RIMS1: variants seen among roughly 807,000 people sequenced by gnomAD.
RIMS1 encodes the protein regulating synaptic membrane exocytosis 1.
Under a neutral mutation model 214.1 loss-of-function variants are expected in RIMS1, and 83 were observed. The ratio of observed to expected loss-of-function variants is 0.39; its 90% CI spans 0.32 to 0.47. The LOEUF is 0.47. Ranked by LOEUF, RIMS1 falls within the 20% of genes least tolerant of loss-of-function variation. The pLI, the probability that RIMS1 is intolerant of heterozygous loss-of-function variation, is 0.99. For missense variants in RIMS1, 2,050 were observed against 2,161.8 expected (o/e 0.95, Z 1.03); for synonymous variants, 793 against 786.8 (o/e 1.01, Z -0.13).
At chr6:72,050,739 G>T (rs189794297) in intron 2 of RIMS1, among the ~76,000 whole-genome samples, 2 of 152,150 alleles carry the variant, frequency 1.3e-5, no homozygotes, top group African/African-American at 4.8e-5. Flanking sequence ...AGCCCTTTGT[G>T]GGGTGTATAT....
chr6:71,966,169 T>C (rs933176014), intron 1 of RIMS1, among the ~76,000 whole-genome samples: 1 of 152,216 alleles, frequency 6.6e-6, no homozygotes, highest in Non-Finnish European at 1.5e-5. Flanking sequence ...ATTAGCAACC[T>C]GAAACAATTA....
chr6:72,305,474 G>T (rs1160964990), intron 26 of RIMS1, among the ~76,000 whole-genome samples: 2 of 152,046 alleles, frequency 1.3e-5, no homozygotes, highest in Non-Finnish European at 2.9e-5. Context: ...AACTAAATTT[G>T]CAGTCCATTT....
intron 22 of RIMS1, among the ~76,000 whole-genome samples, chr6:72,268,088 A>G (rs1404784636): frequency 4.6e-5 from 7 of 152,146 alleles, no homozygotes; most frequent in East Asian, 1.9e-4. Context: ...TAAAACTTAG[A>G]TAAGGTTTCA....
At chr6:72,212,909 G>T in intron 6 of RIMS1, 1 of 1,342,714 alleles carries the variant, frequency 7.4e-7, no homozygotes, top group Non-Finnish European at 9.6e-7. Context: ...TGCCTGCAGT[G>T]ACCTGAGTCA....
At chr6:72,360,886 T>G (rs1007714566) in intron 29 of RIMS1, among the ~76,000 whole-genome samples, 2 of 149,788 alleles carry the variant, frequency 1.3e-5, no homozygotes, top group Non-Finnish European at 3.0e-5. Context: ...ATAATGGGTA[T>G]AGTGGATATG....
chr6:72,236,474 G>A (rs886126575), intron 8 of RIMS1, among the ~76,000 whole-genome samples: 1 of 152,070 alleles, frequency 6.6e-6, no homozygotes, highest in Non-Finnish European at 1.5e-5. Flanking sequence ...ATCTGATCAA[G>A]AACTGATCTT....
chr6:72,256,793 A>G (rs2076051289), intron 16 of RIMS1, among the ~76,000 whole-genome samples: 2 of 151,982 alleles, frequency 1.3e-5, no homozygotes, highest in African/African-American at 2.4e-5. Context: ...TTAAAATTAC[A>G]ATATAATATT....
At chr6:71,939,999 TC>T (rs1305308967) in intron 1 of RIMS1, among the ~76,000 whole-genome samples, 2 of 152,212 alleles carry the variant, frequency 1.3e-5, no homozygotes, top group Admixed American at 1.3e-4. Flanking sequence ...ATTTTTAATT[TC>T]CTTATCTGAA....
At chr6:72,222,401 T>TATCAG (rs2058752117) in intron 6 of RIMS1, among the ~76,000 whole-genome samples, 1 of 152,082 alleles carries the variant, frequency 6.6e-6, no homozygotes, top group African/African-American at 2.4e-5. Context: ...TCCATTTTTT[T>TATCAG]GTACTGCATT....
At chr6:71,992,160 C>T (rs1801772984) in intron 2 of RIMS1, among the ~76,000 whole-genome samples, 1 of 152,102 alleles carries the variant, frequency 6.6e-6, no homozygotes, top group African/African-American at 2.4e-5. Context: ...ATTCAGCTCC[C>T]TTGCATGACC....
intron 2 of RIMS1, among the ~76,000 whole-genome samples, chr6:72,075,565 A>G (rs1018876645): frequency 6.6e-6 from 1 of 152,196 alleles, no homozygotes; most frequent in Non-Finnish European, 1.5e-5. Flanking sequence ...TCACTTCTAC[A>G]TGGACTATCA....
intron 22 of RIMS1, chr6:72,266,269 C>G: frequency 1.8e-6 from 1 of 560,586 alleles, no homozygotes. Flanking sequence ...AATGTTGTTG[C>G]AAATGGCGTG....
chr6:72,249,850 T>C (rs1408236034), intron 12 of RIMS1, among the ~76,000 whole-genome samples: 1 of 152,110 alleles, frequency 6.6e-6, no homozygotes, highest in Non-Finnish European at 1.5e-5. Flanking sequence ...AGTAAATATG[T>C]TTTATGATCT....
intron 4 of RIMS1, among the ~76,000 whole-genome samples, chr6:72,124,770 G>A (rs964073900): frequency 5.9e-5 from 9 of 151,640 alleles, no homozygotes; most frequent in Non-Finnish European, 1.0e-4. Flanking sequence ...TGATCCAATC[G>A]GCTACTGAAG....
At chr6:72,081,646 T>A (rs548588174) in intron 2 of RIMS1, among the ~76,000 whole-genome samples, 2 of 152,162 alleles carry the variant, frequency 1.3e-5, no homozygotes, top group African/African-American at 4.8e-5. Context: ...GAAGAGGTTG[T>A]CTGGAGTTGA....
intron 2 of RIMS1, among the ~76,000 whole-genome samples, chr6:72,054,887 C>A (rs558522595): frequency 6.6e-6 from 1 of 152,282 alleles, no homozygotes; most frequent in South Asian, 2.1e-4. Flanking sequence ...CCTATTCATT[C>A]TGATGGTAGT....
intron 2 of RIMS1, among the ~76,000 whole-genome samples, chr6:72,007,866 C>T (rs1023632697): frequency 4.6e-5 from 7 of 152,240 alleles, no homozygotes; most frequent in Middle Eastern, 3.4e-3. Context: ...CTGAAAGTGA[C>T]GGGGAGAATG....
At chr6:72,314,445 T>A (rs1593088487) in intron 28 of RIMS1, among the ~76,000 whole-genome samples, 4 of 152,166 alleles carry the variant, frequency 2.6e-5, no homozygotes, top group Admixed American at 2.6e-4. Context: ...AAGGCTGATG[T>A]TAGTGCACAT....
chr6:72,273,068 TC>T (rs1044640851), intron 22 of RIMS1, among the ~76,000 whole-genome samples: 1 of 152,152 alleles, frequency 6.6e-6, no homozygotes, highest in Non-Finnish European at 1.5e-5. Flanking sequence ...TTCACTTGCT[TC>T]ATGGCTTCTT....
Sources: gnomAD v4.1 joint callset for allele counts (sites outside exome capture counted in the v4.1 genomes callset) on GRCh38, gnomAD v4.1.1 for gene constraint, MANE v1.5 for transcripts, NCBI Gene and HGNC (gene_info 2026-07-23, HGNC 2026-07-21) for gene names.